DDX31: variants seen among roughly 807,000 people sequenced by gnomAD.
The protein encoded by DDX31 is ATP-dependent DNA helicase DDX31.
In DDX31, 70 loss-of-function variants were observed where a neutral mutation model predicts 91.3. The observed-to-expected ratio is 0.77, with a 90% CI of 0.63 to 0.94. DDX31 has a LOEUF of 0.94. Among genes scored for constraint, DDX31 ranks in the 40% least tolerant of loss-of-function variants. DDX31 has a pLI of 0.00. For synonymous variants in DDX31, 362 were observed against 350.6 expected (o/e 1.03, Z -0.36); for missense variants, 902 against 925.0 (o/e 0.98, Z 0.32).
chr9:132,650,705 T>C (rs1355374542), intron 8 of DDX31, among the ~76,000 whole-genome samples: 1 of 152,234 alleles, frequency 6.6e-6, no homozygotes, highest in African/African-American at 2.4e-5. Flanking sequence ...ATGATCCAAT[T>C]TGGTGAGCTG....
In DDX31 at chr9:132,657,530, G is replaced by T. The variant is rs1834645900; in HGVS notation, c.588+1141C>A. ...CATTTATTTATTCAATAATTTATTT[G>T]TATCAGTTTGAACTCACGGATATTT... is the stretch of plus-strand genomic sequence containing the variant. On this transcript the variant is annotated intron_variant, in intron 6 of 19. Transcript: ENST00000372159. Among the ~76,000 whole-genome samples, 3 of 152,204 alleles carry T rather than the reference G, an allele frequency of 2.0e-5. No homozygotes were observed. The South Asian group carries it at 6.2e-4, about 32-fold the overall frequency.
chr9:132,593,928 C>T lies in DDX31; in HGVS notation c.*938G>A, dbSNP rs1384107006. ...CTCCAACCCTTTCTCTTCTGGACCC[C>T]TCTGCAAGTGCCCAAATCTTACATT... On this transcript the variant is annotated 3_prime_UTR_variant, in exon 20 of 20. Coordinates refer to ENST00000372159, the MANE Select transcript of DDX31 (RefSeq NM_022779.9). 1 of 151,748 alleles carries T rather than the reference C, an allele frequency of 6.6e-6. No homozygotes were observed. 9.4% of individuals were successfully genotyped at this position (151,748 alleles called of 1,614,324 possible). A position where few individuals can be genotyped will look rare whatever the true frequency, so the allele number is the denominator to read the frequency against.
intron 17 of DDX31, among the ~76,000 whole-genome samples, chr9:132,620,485 A>G (rs1271050250): frequency 6.6e-6 from 1 of 152,104 alleles, no homozygotes; most frequent in Non-Finnish European, 1.5e-5. Flanking sequence ...GTAGGGAAAA[A>G]AAAAACAGGA....
chr9:132,635,869 G>T (rs1373893384), intron 14 of DDX31, among the ~76,000 whole-genome samples: 1 of 151,844 alleles, frequency 6.6e-6, no homozygotes, highest in South Asian at 2.1e-4. Context: ...GCTTGAACCC[G>T]GGAGGTGGAG....
At position 132,612,270 on chromosome 9, in the gene DDX31, A is replaced by C. The variant is rs1367931234; in HGVS notation, c.1826-15T>G. ...GGACTGCAGAGCTGAAAGAAAAGAG[A>C]GCGGGGAGGGAAGCTGTCAGGACCG... On this transcript the variant is annotated splice_polypyrimidine_tract_variant and intron_variant, in intron 18 of 19. Coordinates refer to ENST00000372159, the MANE Select transcript of DDX31 (RefSeq NM_022779.9). The C allele has an allele frequency of 1.2e-6, 2 of 1,614,044 alleles. No individual in the cohort carries two copies. Among genetic ancestry groups the C allele is most frequent in the Non-Finnish European group, 1.7e-6 (2 of 1,179,990 alleles).
chr9:132,640,146 C>T (rs1465550616), intron 14 of DDX31, among the ~76,000 whole-genome samples: 4 of 152,282 alleles, frequency 2.6e-5, no homozygotes, highest in East Asian at 3.9e-4. Flanking sequence ...TGGGAAGGCA[C>T]GCAGACCAGG....
chr9:132,650,158 G>C (rs1390569318), intron 9 of DDX31, 76 bp downstream of exon 9: 1 of 1,434,232 alleles, frequency 7.0e-7, no homozygotes, highest in African/African-American at 1.4e-5. Flanking sequence ...AGCAGGTTTA[G>C]AAGGACCCAG....
intron 19 of DDX31, among the ~76,000 whole-genome samples, chr9:132,610,368 AC>A (rs1450287918): frequency 3.3e-5 from 5 of 152,206 alleles, no homozygotes; most frequent in African/African-American, 1.2e-4. Context: ...GCACATAGAA[AC>A]AGTTTCTGTT....
chr9:132,632,239 TGTACACACACACACAC>T (rs879116967), intron 14 of DDX31, 148 bp from the exon 15 acceptor site: 731 of 53,454 alleles, frequency 0.014, 140 homozygotes, highest in South Asian at 0.12. Context: ...GCCCAGTACG[TGTACACACACACACAC>T]ACACACACAC....
intron 1 of DDX31, chr9:132,669,593 T>C (rs1351073237): frequency 3.3e-6 from 5 of 1,496,580 alleles, no homozygotes; most frequent in Non-Finnish European, 3.6e-6. Context: ...CAGCCTCTAA[T>C]TCCTTCCTTT....
intron 1 of DDX31, chr9:132,663,165 G>C: frequency 7.8e-7 from 1 of 1,288,074 alleles, no homozygotes. Context: ...ACAGGAGAGA[G>C]GGGCGAGGGG....
chr9:132,603,647 G>A (rs11243838), intron 19 of DDX31, among the ~76,000 whole-genome samples: 27,675 of 152,188 alleles, frequency 0.18, 3,252 homozygotes, highest in East Asian at 0.42. Context: ...TGTTGCACAC[G>A]GCCGCATCTG....
chr9:132,636,303 C>T (rs1295810700), intron 14 of DDX31, among the ~76,000 whole-genome samples: 1 of 152,188 alleles, frequency 6.6e-6, no homozygotes, highest in East Asian at 1.9e-4. Flanking sequence ...GCGGGAGCCA[C>T]TTTCTACACC....
At chr9:132,609,676 C>A (rs1429522000) in intron 19 of DDX31, among the ~76,000 whole-genome samples, 5 of 151,996 alleles carry the variant, frequency 3.3e-5, no homozygotes, top group African/African-American at 1.2e-4. Flanking sequence ...GGCTGGAGTG[C>A]AGTGGCGCGA....
In DDX31 at chr9:132,647,024, A is replaced by T. The variant is rs766448549; in HGVS notation, c.1002T>A (p.Asp334Glu). 1 of 1,614,144 alleles carries T rather than the reference A, an allele frequency of 6.2e-7. No homozygotes were observed. The highest frequency in any genetic ancestry group is 1.3e-5 in the African/African-American group (1 of 75,014). ...VTRLADISLH[D>E]PVSISVLDKS... ...TGTCCAGGACAGAAATACTGACTGG[A>T]TCATGCAAACTGATATCAGCTAGCC... The change falls in exon 12 of 20, where the codon GAT becomes GAA. Residue 334 changes from aspartate to glutamate, a missense_variant. Coordinates refer to ENST00000372159, the MANE Select transcript of DDX31 (RefSeq NM_022779.9).
At chr9:132,630,986 C>T (rs1564303824) in intron 15 of DDX31, among the ~76,000 whole-genome samples, 1 of 152,220 alleles carries the variant, frequency 6.6e-6, no homozygotes, top group South Asian at 2.1e-4. Context: ...CTACAGAATG[C>T]GGGCAGGTGA....
At chr9:132,634,724 C>T (rs915148253) in intron 14 of DDX31, among the ~76,000 whole-genome samples, 1 of 151,516 alleles carries the variant, frequency 6.6e-6, no homozygotes, top group Admixed American at 6.6e-5. Context: ...TCCTGAGTAG[C>T]TGGACGACCA....
At chr9:132,604,555 T>G (rs1170953400) in intron 19 of DDX31, among the ~76,000 whole-genome samples, 2 of 152,206 alleles carry the variant, frequency 1.3e-5, no homozygotes, top group Non-Finnish European at 2.9e-5. Flanking sequence ...TCTCATCATC[T>G]GCTCTGAGGA....
At chr9:132,658,813 C>T in intron 5 of DDX31, 78 bp from the exon 6 acceptor site, 1 of 1,349,024 alleles carries the variant, frequency 7.4e-7, no homozygotes, top group South Asian at 1.3e-5. Flanking sequence ...GTAAAGGAAA[C>T]AGGCTCTGCT....
Sources: gnomAD v4.1 joint callset for allele counts (sites outside exome capture counted in the v4.1 genomes callset) on GRCh38, gnomAD v4.1.1 for gene constraint, MANE v1.5 for transcripts, NCBI Gene and HGNC (gene_info 2026-07-23, HGNC 2026-07-21) for gene names.